Variants in RAB37 observed in about 807,000 individuals in gnomAD.
RAB37 encodes RAB37, member RAS oncogene family, also known as ras-related protein Rab-37.
In RAB37, 29 loss-of-function variants were observed where a neutral mutation model predicts 33.1. The observed-to-expected ratio is 0.88, with a 90% confidence interval of 0.65 to 1.20. The LOEUF (loss-of-function observed/expected upper bound fraction) is 1.20, where lower values mean the gene tolerates loss of function less well. RAB37 is among the 50% of genes most tolerant of loss of function. RAB37 has a pLI of 0.00. For synonymous variants in RAB37, 128 were observed against 119.5 expected, an observed-to-expected ratio of 1.07 and a Z score of -0.47; for missense variants, 299 against 301.1, an observed-to-expected ratio of 0.99 and a Z score of 0.05.
At chr17:74,677,856 T>C (rs2031869445) in intron 1 of RAB37, among the ~76,000 whole-genome samples, 1 of 152,176 alleles carries the variant, frequency 6.6e-6, no homozygotes, top group African/African-American at 2.4e-5. Flanking sequence ...CTCTCCAGGC[T>C]TTCCTCTCCT....
intron 5 of RAB37, among the ~76,000 whole-genome samples, chr17:74,743,694 C>T (rs1386892298): frequency 6.6e-6 from 1 of 152,058 alleles, no homozygotes; most frequent in Non-Finnish European, 1.5e-5. Flanking sequence ...ACATCCAGGG[C>T]AAGTTGCAAG....
rs759808920 is a variant in RAB37, at chr17:74,745,382, A to C, written c.643A>C (p.Lys215Gln). The change falls in exon 9 of 9, where the codon AAG becomes CAG. Residue 215 changes from lysine to glutamine, a missense_variant. Transcript: ENST00000392613. The surrounding 1 kb of genome is among the most constrained non-coding windows in gnomAD (Gnocchi z 4.5). The part of the protein sequence containing the change: ...QIRDYVESQK[K>Q]RSSCCSFM The stretch of plus-strand genomic sequence containing the variant: ...CCGAGACTATGTAGAGTCCCAGAAG[A>C]AGCGCTCCAGCTGCTGCTCCTTCAT... The C allele has an allele frequency of 6.2e-7, 1 of 1,614,152 alleles. No individual in the cohort carries two copies. The highest frequency in any genetic ancestry group is 8.5e-7 in the Non-Finnish European group (1 of 1,180,006).
upstream of RAB37, among the ~76,000 whole-genome samples, chr17:74,733,223 T>C (rs1200877903): frequency 1.3e-5 from 2 of 152,054 alleles, no homozygotes; most frequent in African/African-American, 2.4e-5. Context: ...AAGATGTGTA[T>C]GTATGTGGTA....
intron 1 of RAB37, among the ~76,000 whole-genome samples, chr17:74,697,933 T>G (rs2032656163): frequency 6.6e-6 from 1 of 152,140 alleles, no homozygotes; most frequent in South Asian, 2.1e-4. Flanking sequence ...TGATCGCGCA[T>G]GTGTGTGTGC....
At chr17:74,674,947 G>A (rs2031792493) in intron 1 of RAB37, among the ~76,000 whole-genome samples, 2 of 152,172 alleles carry the variant, frequency 1.3e-5, no homozygotes, top group Admixed American at 1.3e-4. Context: ...TGCCAGAGAA[G>A]AGATATTGTC....
chr17:74,693,041 A>G (rs965545535), intron 1 of RAB37, among the ~76,000 whole-genome samples: 10 of 152,238 alleles, frequency 6.6e-5, no homozygotes, highest in African/African-American at 1.9e-4. Context: ...ACCCCACTAC[A>G]TAAGTCATTT....
intron 1 of RAB37, chr17:74,695,637 C>A: frequency 6.3e-7 from 1 of 1,579,042 alleles, no homozygotes; most frequent in South Asian, 1.1e-5. Flanking sequence ...CCCACATGAG[C>A]AGGAGAAAGC....
chr17:74,698,494 G>T, intron 1 of RAB37: 1 of 1,608,272 alleles, frequency 6.2e-7, no homozygotes, highest in South Asian at 1.1e-5. Flanking sequence ...AGAAACAATG[G>T]CAAGCGTCCC....
rs985210426 is a variant in RAB37 at position 74,729,788 on chromosome 17, T to C, written c.183+422T>C. On this transcript the variant is annotated intron_variant, in intron 2 of 7. Coordinates refer to the RAB37 transcript ENST00000340415. The surrounding 1 kb of genome is among the most constrained non-coding windows in gnomAD (Gnocchi z 4.2). ...TCTCCTTCTGGGGCTCCACATTGGA[T>C]GAACGCAAGTGGAAGCCAGAAAGCA... Among the ~76,000 whole-genome samples the C allele has an allele frequency of 2.0e-5, 3 of 152,082 alleles. No individual in the cohort carries two copies. Among genetic ancestry groups the C allele is most frequent in the African/African-American group, 4.8e-5 (2 of 41,414 alleles).
At chr17:74,724,319 T>C (rs2034278480) in intron 1 of RAB37, among the ~76,000 whole-genome samples, 1 of 152,206 alleles carries the variant, frequency 6.6e-6, no homozygotes, top group South Asian at 2.1e-4. Flanking sequence ...TCACAGATAG[T>C]TGCATTCTTT....
rs1213099836 is a variant in RAB37 at position 74,679,991 on chromosome 17, AAAAG to A, written c.72+8349_72+8352del. On this transcript the variant is annotated intron_variant, in intron 1 of 7. Transcript: ENST00000340415. ...AGGCTCTGTCTCAAAAAAAAAAAAA[AAAAG>A]AAAGAAAGAAAGAAAAAACTGACTT... 3.2e-3 allele frequency among the ~76,000 whole-genome samples: 465 copies of A among 143,520 alleles called. 92 individuals carry two copies. Among genetic ancestry groups the A allele is most frequent in the Middle Eastern group, 0.018 (5 of 272 alleles). 94.2% of individuals were successfully genotyped at this position (143,520 alleles called of 152,430 possible).
rs1163456703 is a variant in RAB37 at position 74,726,642 on chromosome 17, T to A, written c.73-2614T>A. On this transcript the variant is annotated intron_variant, in intron 1 of 7. Transcript: ENST00000340415. ...CAGGAGGAAATAAAAGCTGGAGAGGTTCAGGAGGTGGGTGGGGGCACAGTC... is the reference window on the plus strand; with the variant it reads ...CAGGAGGAAATAAAAGCTGGAGAGGATCAGGAGGTGGGTGGGGGCACAGTC... 3.3e-5 allele frequency among the ~76,000 whole-genome samples: 5 copies of A among 151,964 alleles called. No homozygotes were observed. The East Asian group carries it at 9.6e-4, about 29-fold the overall frequency.
intron 1 of RAB37, among the ~76,000 whole-genome samples, chr17:74,716,001 C>T (rs1377820153): frequency 6.6e-6 from 1 of 152,126 alleles, no homozygotes; most frequent in Non-Finnish European, 1.5e-5. Context: ...CTGCACTCCT[C>T]CAGCCTGGGT....
At position 74,671,724 on chromosome 17, in the gene RAB37, C is replaced by A; in HGVS notation, c.72+66C>A. The stretch of plus-strand genomic sequence containing the variant: ...GCGCCAGCACCAGGAGTTTTCTCCA[C>A]TCCCCTGACTTTGCTTTGGGACTTA... On this transcript the variant is annotated intron_variant, in intron 1 of 7. Transcript: ENST00000340415. The surrounding 1 kb of genome is among the most constrained non-coding windows in gnomAD (Gnocchi z 5.0). The A allele has an allele frequency of 7.1e-7, 1 of 1,411,086 alleles. No individual in the cohort carries two copies. Among genetic ancestry groups the A allele is most frequent in the Non-Finnish European group, 1.0e-6 (1 of 997,504 alleles). The allele number at this position is 1,411,086 out of a possible 1,614,324, so 87.4% of individuals were successfully genotyped here. A position where few individuals can be genotyped will look rare whatever the true frequency, so the allele number is the denominator to read the frequency against.
At chr17:74,733,267 G>A (rs2034414860), upstream of RAB37, among the ~76,000 whole-genome samples, 1 of 152,058 alleles carries the variant, frequency 6.6e-6, no homozygotes, top group African/African-American at 2.4e-5. Flanking sequence ...AGTATGAGGT[G>A]CACATTTGTG....
In RAB37 at chr17:74,705,764, T is replaced by C. The variant is rs117229624; in HGVS notation, c.73-23492T>C. On this transcript the variant is annotated intron_variant, in intron 1 of 7. Coordinates refer to the RAB37 transcript ENST00000340415. ...CACATGCCTCCACGCCTGGCTAATTTTTGTAGTTTTAGTAGAAACAGGATT... is the reference window on the plus strand; with the variant it reads ...CACATGCCTCCACGCCTGGCTAATTCTTGTAGTTTTAGTAGAAACAGGATT... Among the ~76,000 whole-genome samples, 455 of 152,170 alleles carry C rather than the reference T, an allele frequency of 3.0e-3. 8 individuals are homozygous for C. The highest frequency in any genetic ancestry group is 0.026 in the East Asian group (133 of 5,170).
intron 2 of RAB37, 30 bp downstream of exon 2, chr17:74,740,908 C>A (rs1297800741): frequency 6.6e-7 from 1 of 1,505,628 alleles, no homozygotes; most frequent in African/African-American, 1.4e-5. Flanking sequence ...TTGCTTCCAG[C>A]AGAGAGCCAG....
chr17:74,686,733 C>T (rs953386128), intron 1 of RAB37, among the ~76,000 whole-genome samples: 1 of 152,140 alleles, frequency 6.6e-6, no homozygotes, highest in African/African-American at 2.4e-5. Context: ...CCTACATCTC[C>T]ACTGGTTCTT....
At chr17:74,734,762 C>T (rs890344413), upstream of RAB37, among the ~76,000 whole-genome samples, 5 of 151,776 alleles carry the variant, frequency 3.3e-5, no homozygotes, top group African/African-American at 1.2e-4. Flanking sequence ...AGGAGAATGG[C>T]TTGAACAGCC....
Sources: allele counts gnomAD v4.1 joint callset (sites outside exome capture counted in the v4.1 genomes callset), GRCh38; gene constraint gnomAD v4.1.1; non-coding constraint Gnocchi (gnomAD v3.1); transcripts MANE v1.5; gene names NCBI Gene and HGNC (gene_info 2026-07-23, HGNC 2026-07-21).